SFMBT2: variants seen among roughly 807,000 people sequenced by gnomAD.
SFMBT2 encodes the protein Scm like with four mbt domains 2.
In SFMBT2, 38 loss-of-function variants were observed where a neutral mutation model predicts 110.1. The ratio of observed to expected loss-of-function variants is 0.35; its 90% CI spans 0.27 to 0.45. The LOEUF is 0.45. Ranked by LOEUF, SFMBT2 falls within the 20% of genes least tolerant of loss-of-function variation. The pLI is 1.00. For missense variants in SFMBT2, 1,011 were observed against 1,094.9 expected (o/e 0.92, Z 1.08); for synonymous variants, 425 against 425.4 (o/e 1.00, Z 0.01).
At chr10:7,235,089 A>G (rs1358382355) in intron 9 of SFMBT2, among the ~76,000 whole-genome samples, 4 of 152,226 alleles carry the variant, frequency 2.6e-5, no homozygotes. Context: ...CAGCTTTCCA[A>G]TTCCGTGGGA....
chr10:7,223,955 C>A (rs1232355493), intron 10 of SFMBT2, among the ~76,000 whole-genome samples: 1 of 152,140 alleles, frequency 6.6e-6, no homozygotes, highest in Non-Finnish European at 1.5e-5. Flanking sequence ...ACAATAGGGG[C>A]TTGAAAATAC....
chr10:7,365,258 T>C (rs959701816), intron 4 of SFMBT2, among the ~76,000 whole-genome samples: 5 of 152,200 alleles, frequency 3.3e-5, no homozygotes, highest in African/African-American at 4.8e-5. Flanking sequence ...GGCTCGCATG[T>C]CCAGAGAGAA....
chr10:7,248,127 C>T (rs1342629603), intron 8 of SFMBT2, among the ~76,000 whole-genome samples: 1 of 151,620 alleles, frequency 6.6e-6, no homozygotes, highest in African/African-American at 2.4e-5. Context: ...CTTTAGTCAA[C>T]AAGGGCAGAT....
intron 9 of SFMBT2, among the ~76,000 whole-genome samples, chr10:7,242,366 G>A (rs1391525175): frequency 6.6e-6 from 1 of 152,062 alleles, no homozygotes. Context: ...CGCTACCAGG[G>A]GACACAGTCC....
intron 4 of SFMBT2, among the ~76,000 whole-genome samples, chr10:7,324,960 A>AT (rs1843331712): frequency 8.8e-6 from 1 of 113,456 alleles, no homozygotes; most frequent in Admixed American, 8.9e-5. Flanking sequence ...TAGAGGCCCC[A>AT]CTTTTTTTTT....
chr10:7,172,056 C>A lies in SFMBT2; in HGVS notation c.2254G>T (p.Val752Leu). The change falls in exon 19 of 21, where the codon GTG becomes TTG. Residue 752 changes from valine to leucine, a missense_variant. Val to Leu is a conservative substitution (Grantham distance 32). Transcript: ENST00000397167. The surrounding 1 kb of genome is among the most constrained non-coding windows in gnomAD (Gnocchi z 4.6). The stretch of plus-strand genomic sequence containing the variant: ...GCCCTCCGGGGCCGGGCCGAGGGCA[C>A]CTCCGCCGACGAGGTGTCCGTCTGG... Reference protein sequence around the residue: ...DDQTDTSSAEVPSARPRRAVT... With the variant: ...DDQTDTSSAELPSARPRRAVT... 6.3e-7 allele frequency: 1 copy of A among 1,599,194 alleles called. No homozygotes were observed. The highest frequency in any genetic ancestry group is 8.5e-7 in the Non-Finnish European group (1 of 1,173,092).
At chr10:7,214,973 T>A (rs916134917) in intron 11 of SFMBT2, among the ~76,000 whole-genome samples, 1 of 152,256 alleles carries the variant, frequency 6.6e-6, no homozygotes, top group Non-Finnish European at 1.5e-5. Flanking sequence ...TCTGCTTGTC[T>A]TCCTAACTCT....
At chr10:7,373,775 C>T (rs1054071024) in intron 2 of SFMBT2, among the ~76,000 whole-genome samples, 3 of 152,038 alleles carry the variant, frequency 2.0e-5, no homozygotes, top group African/African-American at 2.4e-5. Flanking sequence ...TGGCCACCTG[C>T]GAAGAGGAGA....
chr10:7,196,642 CAA>C (rs1198894245), intron 15 of SFMBT2, among the ~76,000 whole-genome samples: 2 of 152,212 alleles, frequency 1.3e-5, no homozygotes, highest in Non-Finnish European at 2.9e-5. Context: ...CCTGGCTCCT[CAA>C]AGTTACCTGA....
intron 9 of SFMBT2, among the ~76,000 whole-genome samples, chr10:7,235,042 A>G (rs968335962): frequency 5.3e-5 from 8 of 152,216 alleles, no homozygotes; most frequent in Non-Finnish European, 8.8e-5. Flanking sequence ...GAGATCATGC[A>G]CTTCCCCAGG....
At chr10:7,337,387 A>G (rs1226715593) in intron 4 of SFMBT2, among the ~76,000 whole-genome samples, 1 of 152,184 alleles carries the variant, frequency 6.6e-6, no homozygotes, top group Non-Finnish European at 1.5e-5. Flanking sequence ...TACAATTGTA[A>G]TCCTCAGTGT....
At chr10:7,194,489 C>T (rs1588789299) in intron 15 of SFMBT2, among the ~76,000 whole-genome samples, 2 of 152,236 alleles carry the variant, frequency 1.3e-5, no homozygotes, top group East Asian at 1.9e-4. Flanking sequence ...CAGGGTGAAC[C>T]GCTCTCACTG....
chr10:7,202,284 T>C (rs1838979157), intron 13 of SFMBT2, 196 bp downstream of exon 13: 1 of 279,172 alleles, frequency 3.6e-6, no homozygotes, highest in Non-Finnish European at 5.4e-6. Flanking sequence ...GGATTGCGAG[T>C]GCCTTGGGGA....
At chr10:7,311,133 T>TA (rs147762078) in intron 4 of SFMBT2, among the ~76,000 whole-genome samples, 50 of 145,974 alleles carry the variant, frequency 3.4e-4, no homozygotes, top group African/African-American at 5.3e-4. Flanking sequence ...AAGTTTCCCC[T>TA]AAAAAAAAAA....
At chr10:7,352,417 A>G (rs1217568626) in intron 4 of SFMBT2, among the ~76,000 whole-genome samples, 1 of 152,172 alleles carries the variant, frequency 6.6e-6, no homozygotes, top group Admixed American at 6.5e-5. Context: ...CGACCTCCTG[A>G]GCTCAAGCAG....
At chr10:7,168,498 C>A (rs1158386761) in intron 20 of SFMBT2, among the ~76,000 whole-genome samples, 1 of 152,220 alleles carries the variant, frequency 6.6e-6, no homozygotes, top group African/African-American at 2.4e-5. Flanking sequence ...CTCGCAGGGA[C>A]TGAATCGGTG....
intron 9 of SFMBT2, among the ~76,000 whole-genome samples, chr10:7,228,768 CTCTCTCTCTCTCT>C: frequency 7.4e-6 from 1 of 134,600 alleles, no homozygotes; most frequent in African/African-American, 2.6e-5. Flanking sequence ...CTCTCTCTCT[CTCTCTCTCTCTCT>C]CCCCCTCCCT....
intron 2 of SFMBT2, chr10:7,370,835 AT>A: frequency 1.0e-6 from 1 of 979,238 alleles, no homozygotes; most frequent in Non-Finnish European, 1.2e-6. Flanking sequence ...CTCTGGCATC[AT>A]TTTAAGGGGA....
intron 1 of SFMBT2, among the ~76,000 whole-genome samples, chr10:7,402,658 T>G (rs991618043): frequency 6.6e-6 from 1 of 152,150 alleles, no homozygotes; most frequent in Non-Finnish European, 1.5e-5. Flanking sequence ...AGCCTTTGAT[T>G]CTCCACCTTC....
Sources: gnomAD v4.1 joint callset for allele counts (sites outside exome capture counted in the v4.1 genomes callset) on GRCh38, gnomAD v4.1.1 for gene constraint, Gnocchi (gnomAD v3.1) non-coding constraint, MANE v1.5 for transcripts, NCBI Gene and HGNC (gene_info 2026-07-23, HGNC 2026-07-21) for gene names.